The following GLRA2 variants were observed in gnomAD, a reference collection of about 807,000 sequenced individuals.
GLRA2 encodes glycine receptor alpha 2.
A neutral mutation model predicts 31.6 loss-of-function variants in GLRA2; 11 were observed. The observed-to-expected ratio is 0.35, with a 90% CI of 0.22 to 0.58. The LOEUF (loss-of-function observed/expected upper bound fraction) is 0.58. Ranked by LOEUF, GLRA2 falls within the 20% of genes least tolerant of loss-of-function variation. The pLI is 0.84. For missense variants in GLRA2, 212 were observed against 351.8 expected (o/e 0.60, Z 3.18); for synonymous variants, 132 against 134.0 (o/e 0.99, Z 0.10).
chrX:14,633,234 G>A (rs5978687), intron 7 of GLRA2, among the ~76,000 whole-genome samples: 3,154 of 111,869 alleles, frequency 0.028, 114 homozygotes, highest in African/African-American at 0.096. Context: ...AGCACCTCAC[G>A]CCTATAATCC....
At chrX:14,505,267 C>T in the GLRA2 span, among the ~76,000 whole-genome samples, 2 of 111,737 alleles carry the variant, frequency 1.8e-5, no homozygotes, top group South Asian at 3.7e-4. Flanking sequence ...CTAGAATTTC[C>T]GAAACAAATA....
chrX:14,689,691 C>T (rs893822726), intron 7 of GLRA2, among the ~76,000 whole-genome samples: 2 of 112,106 alleles, frequency 1.8e-5, no homozygotes, highest in Admixed American at 9.4e-5. Flanking sequence ...AAGCACTTGA[C>T]AGCTATCAAA....
Position 14,582,944 on chromosome X carries a change from T to C in GLRA2, c.494+1538T>C, listed in dbSNP as rs2090039030. Among the ~76,000 whole-genome samples, 4 of 112,315 alleles carry C rather than the reference T, an allele frequency of 3.6e-5. No individual in the cohort carries two copies. In the South Asian group the frequency reaches 1.5e-3, roughly 42 times the overall value. ...TGGACTGGATTTGGCCCTTTGGCTG[T>C]AGTTTGCCAACCCTTGATATAAGAT... is the stretch of plus-strand genomic sequence containing the variant. On this transcript the variant is annotated intron_variant, in intron 4 of 8. Coordinates refer to ENST00000218075, the MANE Select transcript of GLRA2 (RefSeq NM_002063.4).
At chrX:14,583,981 T>C (rs778386443) in intron 4 of GLRA2, among the ~76,000 whole-genome samples, 1 of 110,987 alleles carries the variant, frequency 9.0e-6, no homozygotes, top group Non-Finnish European at 1.9e-5. Context: ...TTCTTACTTA[T>C]AAGTGGGAAC....
chrX:14,575,223 T>G (rs1303752850), intron 3 of GLRA2, among the ~76,000 whole-genome samples: 1 of 105,255 alleles, frequency 9.5e-6, no homozygotes, highest in Non-Finnish European at 1.9e-5. Flanking sequence ...TTTTTTGAGA[T>G]GGAGTCTCTC....
intron 7 of GLRA2, among the ~76,000 whole-genome samples, chrX:14,645,568 A>G (rs1157017384): frequency 1.8e-5 from 2 of 111,649 alleles, no homozygotes; most frequent in Admixed American, 1.9e-4. Context: ...GCCATTTTTC[A>G]AAGCAAAATA....
At position 14,609,143 on chromosome X, in the gene GLRA2, G is replaced by A; in HGVS notation, c.868G>A (p.Gly290Ser). 4 of 1,204,651 alleles carry A rather than the reference G, an allele frequency of 3.3e-6. No homozygotes were observed. Among genetic ancestry groups the A allele is most frequent in the Non-Finnish European group, 4.5e-6 (4 of 889,736 alleles). ...MDAAPARVAL[G>S]ITTVLTMTTQ... Reference sequence around the variant, plus strand: ...TGCAGCCCCTGCCAGGGTCGCACTGGGCATCACCACAGTCTTAACGATGAC... The same window carrying A: ...TGCAGCCCCTGCCAGGGTCGCACTGAGCATCACCACAGTCTTAACGATGAC... The change falls in exon 7 of 9, where the codon GGC becomes AGC. Residue 290 changes from glycine to serine, a missense_variant. By Grantham distance (56) the Gly-to-Ser change is moderately conservative (BLOSUM62 0). Transcript: ENST00000218075.
chrX:14,505,234 A>G, the GLRA2 span, among the ~76,000 whole-genome samples: 1 of 112,109 alleles, frequency 8.9e-6, no homozygotes, highest in Non-Finnish European at 1.9e-5. Context: ...ATGAGTCAGA[A>G]ATCTAAAGTG....
At chrX:14,578,552 G>A (rs2089981165) in intron 3 of GLRA2, among the ~76,000 whole-genome samples, 2 of 112,465 alleles carry the variant, frequency 1.8e-5, no homozygotes, top group African/African-American at 6.5e-5. Context: ...CAAATTTTGT[G>A]TGGTCCCAAA....
In GLRA2 at chrX:14,609,030, G is replaced by A; in HGVS notation, c.755G>A (p.Arg252His). ...ATTGAGGTCAAGTTTCATCTGGAAC[G>A]CCAAATGGGATATTATTTGATCCAG... ...TCIEVKFHLE[R>H]QMGYYLIQMY... The change falls in exon 7 of 9, where the codon CGC becomes CAC. Residue 252 changes from arginine to histidine, a missense_variant. Arg to His is a conservative substitution (Grantham distance 29). Coordinates refer to ENST00000218075, the MANE Select transcript of GLRA2 (RefSeq NM_002063.4). 1 of 1,175,510 alleles carries A rather than the reference G, an allele frequency of 8.5e-7. No homozygotes were observed. Among genetic ancestry groups the A allele is most frequent in the African/African-American group, 1.8e-5 (1 of 56,646 alleles).
At chrX:14,454,157 A>AACACACCCAC in the GLRA2 span, among the ~76,000 whole-genome samples, 97 of 83,308 alleles carry the variant, frequency 1.2e-3, 1 homozygote, top group South Asian at 9.5e-3. Flanking sequence ...TATAGAACTA[A>AACACACCCAC]ACACACCCAC....
chrX:14,587,848 T>C (rs2090097326), intron 4 of GLRA2, among the ~76,000 whole-genome samples: 1 of 111,400 alleles, frequency 9.0e-6, no homozygotes, highest in Non-Finnish European at 1.9e-5. Context: ...GGGACTTGTC[T>C]AAAAATAATT....
chrX:14,539,857 C>A (rs1006894439), intron 2 of GLRA2, among the ~76,000 whole-genome samples: 2 of 110,930 alleles, frequency 1.8e-5, no homozygotes, highest in African/African-American at 3.3e-5. Context: ...AACATATTTT[C>A]TTGTGGGGAA....
intron 7 of GLRA2, among the ~76,000 whole-genome samples, chrX:14,631,091 A>G (rs1250532878): frequency 3.6e-5 from 4 of 111,361 alleles, no homozygotes; most frequent in African/African-American, 1.3e-4. Context: ...TGGAGAGGAC[A>G]AAACATTCAA....
the GLRA2 span, among the ~76,000 whole-genome samples, chrX:14,516,415 G>A: frequency 9.0e-6 from 1 of 111,553 alleles, no homozygotes; most frequent in South Asian, 3.8e-4. Flanking sequence ...TAGATGTTTT[G>A]TAGTGAGAGG....
chrX:14,656,115 G>T (rs1187075715), intron 7 of GLRA2, among the ~76,000 whole-genome samples: 3 of 111,383 alleles, frequency 2.7e-5, no homozygotes, highest in Non-Finnish European at 3.8e-5. Context: ...TTTGAAATAC[G>T]CTGGGCTACA....
chrX:14,486,428 C>T, the GLRA2 span, among the ~76,000 whole-genome samples: 1 of 111,379 alleles, frequency 9.0e-6, no homozygotes, highest in East Asian at 2.8e-4. Context: ...AATAAATAGA[C>T]CATGAAAAGT....
At chrX:14,679,398 TCA>T (rs1343617183) in intron 7 of GLRA2, among the ~76,000 whole-genome samples, 1 of 107,562 alleles carries the variant, frequency 9.3e-6, no homozygotes, top group Non-Finnish European at 1.9e-5. Context: ...CTTGCTTTCA[TCA>T]GAGGCAAAGA....
At chrX:14,602,954 C>A (rs1447939611) in intron 4 of GLRA2, among the ~76,000 whole-genome samples, 1 of 111,323 alleles carries the variant, frequency 9.0e-6, no homozygotes, top group Non-Finnish European at 1.9e-5. Flanking sequence ...GTAGTGGGAT[C>A]GCTGGAACAA....
Sources: gnomAD v4.1 joint callset for allele counts (sites outside exome capture counted in the v4.1 genomes callset) on GRCh38, gnomAD v4.1.1 for gene constraint, MANE v1.5 for transcripts, NCBI Gene and HGNC (gene_info 2026-07-23, HGNC 2026-07-21) for gene names.